Variants in SHANK2 observed in about 807,000 individuals in gnomAD.
SHANK2 encodes the protein SH3 and multiple ankyrin repeat domains protein 2.
A neutral mutation model predicts 133.7 loss-of-function variants in SHANK2; 43 were observed. The ratio of observed to expected loss-of-function variants is 0.32; its 90% confidence interval spans 0.25 to 0.41. The LOEUF (loss-of-function observed/expected upper bound fraction) is 0.41. SHANK2 is among the 10% of genes least tolerant of loss of function. SHANK2 has a pLI of 1.00. For synonymous variants in SHANK2, 1,017 were observed against 952.8 expected (o/e 1.07, Z -1.24); for missense variants, 1,994 against 2,235.8 (o/e 0.89, Z 2.18).
At chr11:70,716,514 G>C (rs1487891312) in intron 14 of SHANK2, among the ~76,000 whole-genome samples, 6 of 152,184 alleles carry the variant, frequency 3.9e-5, no homozygotes, top group Admixed American at 3.9e-4. Flanking sequence ...TCGGTGCTGG[G>C]ACCTTGGCCA....
intron 15 of SHANK2, among the ~76,000 whole-genome samples, chr11:70,680,207 C>A (rs1030094217): frequency 6.6e-6 from 1 of 152,214 alleles, no homozygotes; most frequent in Non-Finnish European, 1.5e-5. Flanking sequence ...TCTGTCAGAG[C>A]GGGTTCTCAA....
intron 22 of SHANK2, 80 bp from the exon 23 acceptor site, chr11:70,490,467 G>A (rs1453739596): frequency 2.1e-5 from 26 of 1,214,936 alleles, no homozygotes; most frequent in Non-Finnish European, 3.1e-5. Flanking sequence ...GACCACAAGG[G>A]AACTTCCGTC....
At chr11:70,505,611 G>A (rs1475023000) in intron 17 of SHANK2, among the ~76,000 whole-genome samples, 1 of 152,178 alleles carries the variant, frequency 6.6e-6, no homozygotes, top group East Asian at 1.9e-4. Context: ...CCTTGAGGGG[G>A]CTCCAACCAA....
intron 2 of SHANK2, among the ~76,000 whole-genome samples, chr11:71,148,084 G>GT (rs200702145): frequency 0.022 from 3,132 of 140,380 alleles, 55 homozygotes; most frequent in Middle Eastern, 0.058. Context: ...AAGGCTTCTT[G>GT]TTTTTTTTTT....
At chr11:71,082,762 C>A (rs1951317256) in intron 8 of SHANK2, among the ~76,000 whole-genome samples, 1 of 152,184 alleles carries the variant, frequency 6.6e-6, no homozygotes, top group Non-Finnish European at 1.5e-5. Context: ...TCACTGTGGC[C>A]CGAAACTATT....
At chr11:71,210,765 A>G (rs1954258534) in intron 2 of SHANK2, among the ~76,000 whole-genome samples, 1 of 152,068 alleles carries the variant, frequency 6.6e-6, no homozygotes, top group South Asian at 2.1e-4. Context: ...AGAGAGCACC[A>G]TTGTCCTAAA....
At chr11:70,850,810 G>T (rs1411583632) in intron 11 of SHANK2, among the ~76,000 whole-genome samples, 1 of 152,222 alleles carries the variant, frequency 6.6e-6, no homozygotes, top group Non-Finnish European at 1.5e-5. Context: ...TCAGCTTTGG[G>T]CAGGGGTCCC....
intron 20 of SHANK2, 127 bp downstream of exon 20, chr11:70,501,796 C>T (rs2059057528): frequency 2.1e-6 from 2 of 932,874 alleles, no homozygotes; most frequent in African/African-American, 1.7e-5. Flanking sequence ...GAGGATGGAG[C>T]CTTCTGGTCT....
intron 11 of SHANK2, among the ~76,000 whole-genome samples, chr11:70,884,282 C>A (rs1028505620): frequency 2.0e-5 from 3 of 152,196 alleles, no homozygotes; most frequent in African/African-American, 7.2e-5. Context: ...TCCTGCAATG[C>A]GTGGAACGGG....
chr11:71,180,657 G>T (rs555447515), intron 2 of SHANK2, among the ~76,000 whole-genome samples: 1 of 152,188 alleles, frequency 6.6e-6, no homozygotes, highest in Admixed American at 6.5e-5. Context: ...GGCGGGAATG[G>T]CATGTTTGAA....
chr11:70,729,770 T>A (rs1340455299), intron 14 of SHANK2, among the ~76,000 whole-genome samples: 1 of 151,502 alleles, frequency 6.6e-6, no homozygotes, highest in African/African-American at 2.4e-5. Flanking sequence ...TCTGACCTCA[T>A]GATCTGCCTG....
In SHANK2 at chr11:71,171,510, C is replaced by G. The variant is rs551006642; in HGVS notation, c.-12-24172G>C. 9.8e-5 allele frequency among the ~76,000 whole-genome samples: 15 copies of G among 152,304 alleles called. No homozygotes were observed. In the South Asian group the frequency reaches 3.1e-3, roughly 32 times the overall value. Reference sequence around the variant, plus strand: ...ACATCTTACTGGCCGCTGGTCAAGTCCTGAAGTCCAAAGGCTTTGGAGTTG... The same window carrying G: ...ACATCTTACTGGCCGCTGGTCAAGTGCTGAAGTCCAAAGGCTTTGGAGTTG... On this transcript the variant is annotated intron_variant, in intron 2 of 25. Transcript: ENST00000601538.
intron 2 of SHANK2, among the ~76,000 whole-genome samples, chr11:71,171,147 T>C (rs1391463926): frequency 6.6e-6 from 1 of 152,188 alleles, no homozygotes; most frequent in East Asian, 1.9e-4. Flanking sequence ...GTGCACTGTA[T>C]TGGTCCGGAT....
intron 21 of SHANK2, among the ~76,000 whole-genome samples, chr11:70,497,519 G>A (rs1027229085): frequency 4.6e-5 from 7 of 152,154 alleles, no homozygotes; most frequent in Admixed American, 3.3e-4. Flanking sequence ...GCAGTCACCC[G>A]CATTTCAGCC....
intron 10 of SHANK2, among the ~76,000 whole-genome samples, chr11:70,898,000 T>C (rs1949963736): frequency 6.8e-6 from 1 of 147,496 alleles, no homozygotes; most frequent in East Asian, 2.1e-4. Flanking sequence ...TCTTGTTCTG[T>C]CATCCAGGCT....
At chr11:70,779,286 G>C (rs965824272) in intron 14 of SHANK2, among the ~76,000 whole-genome samples, 1 of 151,456 alleles carries the variant, frequency 6.6e-6, no homozygotes, top group African/African-American at 2.4e-5. Flanking sequence ...GGGGATGCAG[G>C]AGTCTGCCAC....
intron 14 of SHANK2, among the ~76,000 whole-genome samples, chr11:70,703,837 G>C (rs1945598826): frequency 6.6e-6 from 1 of 152,224 alleles, no homozygotes; most frequent in Non-Finnish European, 1.5e-5. Flanking sequence ...CATCCTCCCT[G>C]TCTTCTGTGG....
chr11:70,946,113 C>T (rs1323239957), intron 10 of SHANK2, among the ~76,000 whole-genome samples: 1 of 151,320 alleles, frequency 6.6e-6, no homozygotes, highest in Non-Finnish European at 1.5e-5. Context: ...CCAACCCTTC[C>T]CAGACACAAC....
intron 6 of SHANK2, among the ~76,000 whole-genome samples, chr11:71,095,616 CGT>C (rs1261552040): frequency 1.3e-5 from 2 of 152,228 alleles, no homozygotes; most frequent in Non-Finnish European, 2.9e-5. Flanking sequence ...TTTCACAAGG[CGT>C]GTGTCTTGCT....
Sources: allele counts gnomAD v4.1 joint callset (sites outside exome capture counted in the v4.1 genomes callset), GRCh38; gene constraint gnomAD v4.1.1; transcripts MANE v1.5; gene names NCBI Gene and HGNC (gene_info 2026-07-23, HGNC 2026-07-21).